Variants in MUSK observed in about 807,000 individuals in gnomAD.
MUSK encodes muscle, skeletal receptor tyrosine-protein kinase.
MUSK carries 55 observed loss-of-function variants against 88.7 expected under a neutral mutation model. The ratio of observed to expected loss-of-function variants is 0.62; its 90% CI spans 0.50 to 0.78. The LOEUF (loss-of-function observed/expected upper bound fraction) is 0.78. Ranked by LOEUF, MUSK falls within the 30% of genes least tolerant of loss-of-function variation. The pLI is 0.00. For missense variants in MUSK, 1,015 were observed against 1,074.3 expected (o/e 0.94, Z 0.77); for synonymous variants, 387 against 391.9 (o/e 0.99, Z 0.15).
At chr9:110,755,983 T>TATATATACATATATATATATAC (rs1564269144) in intron 7 of MUSK, among the ~76,000 whole-genome samples, 37 of 127,036 alleles carry the variant, frequency 2.9e-4, no homozygotes, top group African/African-American at 1.1e-3. Context: ...TATATACATA[T>TATATATACATATATATATATAC]ATATATATAT....
chr9:110,689,718 T>TAGTTATATATAAATATATAACTATAGATA (rs370720549), intron 3 of MUSK, among the ~76,000 whole-genome samples: 1 of 51,662 alleles, frequency 1.9e-5, no homozygotes, highest in African/African-American at 1.3e-4. Flanking sequence ...TAACTATATA[T>TAGTTATATATAAATATATAACTATAGATA]GTTATATATA....
intron 5 of MUSK, among the ~76,000 whole-genome samples, chr9:110,712,744 A>G (rs2076688284): frequency 6.6e-6 from 1 of 152,222 alleles, no homozygotes; most frequent in Non-Finnish European, 1.5e-5. Context: ...TAAGATATCA[A>G]TGTTAGGATA....
At chr9:110,783,874 G>A (rs1023645471) in intron 11 of MUSK, among the ~76,000 whole-genome samples, 1 of 151,748 alleles carries the variant, frequency 6.6e-6, no homozygotes, top group Non-Finnish European at 1.5e-5. Flanking sequence ...CTATTAAGAG[G>A]CTTGTGTCTA....
chr9:110,696,198 A>T (rs1439036411), intron 4 of MUSK, among the ~76,000 whole-genome samples: 1 of 151,380 alleles, frequency 6.6e-6, no homozygotes, highest in Non-Finnish European at 1.5e-5. Context: ...AATAACTTGA[A>T]CCCGAGAGGC....
At chr9:110,713,818 C>T (rs2076709214) in intron 5 of MUSK, among the ~76,000 whole-genome samples, 1 of 152,084 alleles carries the variant, frequency 6.6e-6, no homozygotes, top group Admixed American at 6.6e-5. Context: ...GACCTCAGCT[C>T]GTTTAACGCA....
At chr9:110,742,185 G>A (rs934746461) in intron 6 of MUSK, among the ~76,000 whole-genome samples, 9 of 151,960 alleles carry the variant, frequency 5.9e-5, no homozygotes, top group Admixed American at 2.0e-4. Flanking sequence ...GGCCGGGTGC[G>A]GTGACTCACT....
chr9:110,787,114 G>A (rs141272492), intron 13 of MUSK, among the ~76,000 whole-genome samples: 234 of 152,208 alleles, frequency 1.5e-3, no homozygotes, highest in African/African-American at 5.3e-3. Context: ...TGTAATCCCC[G>A]CAGTTTGGGA....
rs954094162 is a variant in MUSK, at chr9:110,710,730, TA to T, written c.628+13275del. ...GAGAGGCTATTTGGAGTCAACCTGTTAAAAAAAAAAATAGTACAACAACATA... is the reference window on the plus strand; with the variant it reads ...GAGAGGCTATTTGGAGTCAACCTGTTAAAAAAAAAATAGTACAACAACATA... On this transcript the variant is annotated intron_variant, in intron 5 of 14. Coordinates refer to ENST00000374448, the MANE Select transcript of MUSK (RefSeq NM_005592.4). 3.6e-3 allele frequency among the ~76,000 whole-genome samples: 532 copies of T among 146,768 alleles called. 5 individuals are homozygous for T. The highest frequency in any genetic ancestry group is 0.012 in the African/African-American group (469 of 40,222).
At chr9:110,767,598 C>T (rs917071895) in intron 8 of MUSK, among the ~76,000 whole-genome samples, 2 of 152,130 alleles carry the variant, frequency 1.3e-5, no homozygotes, top group Admixed American at 6.5e-5. Context: ...CCACATCTAT[C>T]GTCACATTTG....
rs1280539994 is a variant in MUSK at position 110,687,145 on chromosome 9, G to A, written c.235G>A (p.Glu79Lys). The stretch of plus-strand genomic sequence containing the variant: ...CTTTGACACCCGGTACAGCATCCGG[G>A]AGAATGGGCAGCTCCTCACCATCCT... ...KLFDTRYSIR[E>K]NGQLLTILSV... Residue 79 changes from glutamate (E) to lysine (K), a missense_variant, in exon 3 of 15, where the codon GAG becomes AAG. Transcript: ENST00000374448. 4.3e-6 allele frequency: 7 copies of A among 1,613,576 alleles called. No homozygotes were observed. Among genetic ancestry groups the A allele is most frequent in the African/African-American group, 1.3e-5 (1 of 74,964 alleles).
intron 5 of MUSK, among the ~76,000 whole-genome samples, chr9:110,715,002 G>T (rs907795966): frequency 1.4e-5 from 2 of 142,336 alleles, no homozygotes; most frequent in Non-Finnish European, 1.5e-5. Flanking sequence ...TTCAGTTTAT[G>T]AAAGGAGTTA....
chr9:110,747,959 T>C, intron 7 of MUSK, 159 bp downstream of exon 7: 1 of 1,026,230 alleles, frequency 9.7e-7, no homozygotes, highest in South Asian at 1.3e-5. Context: ...GGAGGTGACC[T>C]AGATATGGAT....
At chr9:110,707,230 A>G (rs908419900) in intron 5 of MUSK, among the ~76,000 whole-genome samples, 2 of 152,154 alleles carry the variant, frequency 1.3e-5, no homozygotes, top group African/African-American at 4.8e-5. Context: ...ATACCAGACC[A>G]TACAAATCAA....
At chr9:110,767,131 A>G (rs2131952646) in intron 8 of MUSK, among the ~76,000 whole-genome samples, 1 of 152,368 alleles carries the variant, frequency 6.6e-6, no homozygotes, top group East Asian at 1.9e-4. Flanking sequence ...ATCATTCAAC[A>G]GAATAGATCA....
rs577498512 is a variant in MUSK at position 110,745,421 on chromosome 9, G to T, written c.754-2220G>T. Among the ~76,000 whole-genome samples the T allele has an allele frequency of 2.0e-5, 3 of 152,248 alleles. No homozygotes were observed. The East Asian group carries it at 5.8e-4, about 29-fold the overall frequency. On this transcript the variant is annotated intron_variant, in intron 6 of 14. Coordinates refer to ENST00000374448, the MANE Select transcript of MUSK (RefSeq NM_005592.4). The stretch of plus-strand genomic sequence containing the variant: ...GGGAACTGTCTTTCCAAAGGATTTT[G>T]CAAACTGTTCTGCTTTTGCTTATCT...
chr9:110,699,350 A>T (rs927315359), intron 5 of MUSK, among the ~76,000 whole-genome samples: 18 of 152,182 alleles, frequency 1.2e-4, no homozygotes, highest in Non-Finnish European at 2.6e-4. Context: ...TTTAGCACAC[A>T]TGCCTATTTC....
In MUSK at chr9:110,802,025, A is replaced by C. The variant is rs1571117; in HGVS notation, c.*1037A>C. On this transcript the variant is annotated 3_prime_UTR_variant, in exon 15 of 15. Transcript: ENST00000374448. ...TAATATTATTACTAGAGTCTATTTA[A>C]ATCTCTTAAACCATAATTTATAATA... Among the ~76,000 whole-genome samples, 93,079 of 151,988 alleles carry C rather than the reference A, an allele frequency of 0.61. 28,962 individuals are homozygous for C. The highest frequency in any genetic ancestry group is 0.69 in the Middle Eastern group (201 of 290).
At chr9:110,778,334 C>T (rs1458742256) in intron 11 of MUSK, among the ~76,000 whole-genome samples, 1 of 152,114 alleles carries the variant, frequency 6.6e-6, no homozygotes, top group African/African-American at 2.4e-5. Flanking sequence ...CGTGAGACTT[C>T]ACATACTTTA....
In MUSK at chr9:110,725,171, G is replaced by C. The variant is rs188064692; in HGVS notation, c.629-9080G>C. ...ACTCAGGAATGGAAAACCAAACATT[G>C]TATGTTTTCATGCATAAGTGGGAGC... On this transcript the variant is annotated intron_variant, in intron 5 of 14. Transcript: ENST00000374448. Among the ~76,000 whole-genome samples the C allele has an allele frequency of 5.3e-4, 81 of 152,120 alleles. 1 individual carries two copies. The highest frequency in any genetic ancestry group is 1.9e-3 in the African/African-American group (77 of 41,550).
Sources: gnomAD v4.1 joint callset for allele counts (sites outside exome capture counted in the v4.1 genomes callset) on GRCh38, gnomAD v4.1.1 for gene constraint, MANE v1.5 for transcripts, NCBI Gene and HGNC (gene_info 2026-07-23, HGNC 2026-07-21) for gene names.